Variants in TGFBR1 observed in about 807,000 individuals in gnomAD.
TGFBR1 encodes the protein transforming growth factor beta receptor 1.
In TGFBR1, 20 loss-of-function variants were observed where a neutral mutation model predicts 55.1. The observed-to-expected ratio is 0.36, with a 90% CI of 0.26 to 0.53. The LOEUF is 0.53. Ranked by LOEUF, TGFBR1 falls within the 20% of genes least tolerant of loss-of-function variation. The probability of loss-of-function intolerance (pLI) is 0.91; values close to 1 mark genes in which losing one functional copy is unlikely to be tolerated. For synonymous variants in TGFBR1, 220 were observed against 214.8 expected, an observed-to-expected ratio of 1.02 and a Z score of -0.21; for missense variants, 385 against 617.6, an observed-to-expected ratio of 0.62 and a Z score of 3.99.
chr9:99,142,293 C>G (rs962339985), intron 4 of TGFBR1, among the ~76,000 whole-genome samples: 3 of 152,160 alleles, frequency 2.0e-5, no homozygotes, highest in Non-Finnish European at 4.4e-5. Context: ...ATCTTTGTCT[C>G]TTAAATGGGA....
intron 3 of TGFBR1, among the ~76,000 whole-genome samples, chr9:99,134,661 T>C (rs1169471950): frequency 6.6e-6 from 1 of 151,570 alleles, no homozygotes; most frequent in Non-Finnish European, 1.5e-5. Flanking sequence ...ACAGCACTCA[T>C]GCCACTTGCC....
Position 99,116,073 on chromosome 9 carries a change from T to C in TGFBR1, c.97+10771T>C, listed in dbSNP as rs116973621. On this transcript the variant is annotated intron_variant, in intron 1 of 8. Transcript: ENST00000374994. ...TCCTTCTTTCCATGGTGCATTGTCC[T>C]TTTGTTTTCTTCCCTCTTATTTCGA... Among the ~76,000 whole-genome samples the C allele has an allele frequency of 3.5e-3, 538 of 152,236 alleles. 1 individual carries two copies. Among genetic ancestry groups the C allele is most frequent in the Non-Finnish European group, 5.9e-3 (402 of 68,014 alleles).
intron 1 of TGFBR1, among the ~76,000 whole-genome samples, chr9:99,105,767 C>T (rs985617207): frequency 6.6e-6 from 1 of 152,132 alleles, no homozygotes; most frequent in Admixed American, 6.5e-5. Flanking sequence ...CTGCCGAACC[C>T]GGGGCGGGGT....
chr9:99,148,855 A>G lies in TGFBR1; in HGVS notation c.1387-325A>G, dbSNP rs75709355. On this transcript the variant is annotated intron_variant, in intron 8 of 8. Coordinates refer to ENST00000374994, the MANE Select transcript of TGFBR1 (RefSeq NM_004612.4). ...TCAAAAAAAAAAAAAAGAAAGAAAAATTTGATGTGAATACTTCAAAGTACA... is the reference window on the plus strand; with the variant it reads ...TCAAAAAAAAAAAAAAGAAAGAAAAGTTTGATGTGAATACTTCAAAGTACA... Among the ~76,000 whole-genome samples the G allele has an allele frequency of 8.8e-3, 1,333 of 151,660 alleles. 6 individuals carry two copies. The highest frequency in any genetic ancestry group is 0.035 in the East Asian group (181 of 5,174).
At chr9:99,143,350 T>A (rs985262634) in intron 5 of TGFBR1, among the ~76,000 whole-genome samples, 3 of 152,238 alleles carry the variant, frequency 2.0e-5, no homozygotes, top group East Asian at 3.8e-4. Flanking sequence ...TTTGTAAACA[T>A]CAACATGCTA....
intron 1 of TGFBR1, among the ~76,000 whole-genome samples, chr9:99,114,602 C>T (rs1026540762): frequency 6.6e-6 from 1 of 152,148 alleles, no homozygotes; most frequent in African/African-American, 2.4e-5. Context: ...GTCTCTGATC[C>T]AAGTATGAAC....
At chr9:99,145,155 C>T (rs1198960548) in intron 6 of TGFBR1, among the ~76,000 whole-genome samples, 1 of 152,178 alleles carries the variant, frequency 6.6e-6, no homozygotes, top group East Asian at 1.9e-4. Context: ...TATAGGGCAC[C>T]TACTATGTGC....
chr9:99,140,328 G>A (rs796755524), intron 4 of TGFBR1, among the ~76,000 whole-genome samples: 6 of 152,218 alleles, frequency 3.9e-5, no homozygotes, highest in African/African-American at 1.2e-4. Flanking sequence ...GATGGCAGGT[G>A]CCTATAATCC....
chr9:99,104,598 G>C (rs1051712647), upstream of TGFBR1, among the ~76,000 whole-genome samples: 5 of 152,130 alleles, frequency 3.3e-5, no homozygotes, highest in African/African-American at 9.7e-5. Context: ...GAGAGGGGAA[G>C]TTGAAGTGGA....
At chr9:99,140,424 C>G (rs1290299128) in intron 4 of TGFBR1, among the ~76,000 whole-genome samples, 1 of 152,072 alleles carries the variant, frequency 6.6e-6, no homozygotes, top group Non-Finnish European at 1.5e-5. Flanking sequence ...CCACTGCACT[C>G]CAGCCTGGGC....
At chr9:99,124,955 T>C (rs1184205871) in intron 1 of TGFBR1, among the ~76,000 whole-genome samples, 2 of 152,292 alleles carry the variant, frequency 1.3e-5, no homozygotes, top group East Asian at 1.9e-4. Flanking sequence ...AAAACCCTTA[T>C]GTTCTTGGCT....
At chr9:99,138,891 G>A (rs1367120529) in intron 4 of TGFBR1, among the ~76,000 whole-genome samples, 1 of 151,796 alleles carries the variant, frequency 6.6e-6, no homozygotes, top group Non-Finnish European at 1.5e-5. Context: ...TCTGCCTCCT[G>A]GGTTCAAGTG....
At chr9:99,107,462 A>G (rs1362860936) in intron 1 of TGFBR1, among the ~76,000 whole-genome samples, 3 of 152,066 alleles carry the variant, frequency 2.0e-5, no homozygotes, top group Non-Finnish European at 4.4e-5. Context: ...TGAGAATGCT[A>G]TTTGCTTCCT....
Position 99,129,067 on chromosome 9 carries a change from G to A in TGFBR1, c.310G>A (p.Asp104Asn), listed in dbSNP as rs2118574965. The change falls in exon 2 of 9, where the codon GAC (aspartate) becomes AAC (asparagine). Residue 104 changes from aspartate (D) to asparagine (N), a missense_variant. Transcript: ENST00000374994. ...GACTACAACATATTGCTGCAATCAG[G>A]ACCATTGCAATAAAATAGAACTTCC... ...SVTTTYCCNQ[D>N]HCNKIELPTT... is the part of the protein sequence containing the mutation. 2 of 1,613,834 alleles carry A rather than the reference G, an allele frequency of 1.2e-6. No homozygotes were observed. The highest frequency in any genetic ancestry group is 1.7e-6 in the Non-Finnish European group (2 of 1,179,892).
intron 1 of TGFBR1, among the ~76,000 whole-genome samples, chr9:99,109,710 C>G (rs185922784): frequency 1.3e-5 from 2 of 152,192 alleles, no homozygotes; most frequent in Non-Finnish European, 2.9e-5. Context: ...TCATGGCTTA[C>G]GTAACACAGA....
At chr9:99,149,108 A>G in intron 8 of TGFBR1, 72 bp from the exon 9 acceptor site, 1 of 1,481,570 alleles carries the variant, frequency 6.7e-7, no homozygotes, top group East Asian at 2.5e-5. Context: ...GAAAATTTAC[A>G]CGTAAAAATT....
Position 99,105,204 on chromosome 9 carries a change from C to T in TGFBR1, c.-2C>T, listed in dbSNP as rs200224304. On this transcript the variant is annotated 5_prime_UTR_variant, in exon 1 of 9. Transcript: ENST00000374994. ...CGGGCCACAGGCGGTGGCGGCGGGA[C>T]CATGGAGGCGGCGGTCGCTGCTCCG... The T allele has an allele frequency of 2.6e-4, 284 of 1,082,854 alleles. 1 individual carries two copies. In the African/African-American group the frequency reaches 4.2e-3, roughly 16 times the overall value. The allele number at this position is 1,082,854 out of a possible 1,614,324, so 67.1% of individuals were successfully genotyped here. A position where few individuals can be genotyped will look rare whatever the true frequency, so the allele number is the denominator to read the frequency against.
At chr9:99,133,277 T>C (rs1827305519) in intron 3 of TGFBR1, among the ~76,000 whole-genome samples, 1 of 152,242 alleles carries the variant, frequency 6.6e-6, no homozygotes. Context: ...TATGTCATTT[T>C]CTCACTTGAG....
intron 1 of TGFBR1, among the ~76,000 whole-genome samples, chr9:99,123,937 T>C (rs577269649): frequency 7.9e-5 from 12 of 152,204 alleles, no homozygotes; most frequent in Admixed American, 7.9e-4. Context: ...TTTGATTAGC[T>C]CAGATGATGA....
Sources: allele counts gnomAD v4.1 joint callset (sites outside exome capture counted in the v4.1 genomes callset), GRCh38; gene constraint gnomAD v4.1.1; transcripts MANE v1.5; gene names NCBI Gene and HGNC (gene_info 2026-07-23, HGNC 2026-07-21).